The following NHS variants were observed in gnomAD, a reference collection of about 807,000 sequenced individuals.
NHS encodes the protein NHS actin remodeling regulator.
NHS carries 5 observed loss-of-function variants against 72.5 expected under a neutral mutation model. The ratio of observed to expected loss-of-function variants is 0.07; its 90% CI spans 0.04 to 0.14. The LOEUF (loss-of-function observed/expected upper bound fraction) is 0.14, where lower values mean the gene tolerates loss of function less well. Ranked by LOEUF, NHS falls within the 10% of genes least tolerant of loss-of-function variation. The pLI is 1.00. For missense variants in NHS, 1,072 were observed against 1,355.7 expected (o/e 0.79, Z 3.29); for synonymous variants, 464 against 547.7 (o/e 0.85, Z 2.13).
At chrX:17,712,152 T>C (rs184555974) in intron 3 of NHS, among the ~76,000 whole-genome samples, 123 of 102,311 alleles carry the variant, frequency 1.2e-3, no homozygotes, top group African/African-American at 4.1e-3. Flanking sequence ...ATCTTTTTCA[T>C]CTTAGCCCCT....
intron 1 of NHS, among the ~76,000 whole-genome samples, chrX:17,584,291 G>C (rs1156809867): frequency 1.8e-5 from 2 of 111,488 alleles, no homozygotes; most frequent in Non-Finnish European, 3.8e-5. Context: ...ACAAAGGAGA[G>C]GCCACCCCTT....
chrX:17,479,613 T>C (rs1241394419), intron 1 of NHS, among the ~76,000 whole-genome samples: 1 of 112,450 alleles, frequency 8.9e-6, no homozygotes, highest in African/African-American at 3.2e-5. Flanking sequence ...TGGTATCTCA[T>C]TGTGGTTTTG....
chrX:17,396,730 T>C (rs772479831), intron 1 of NHS, among the ~76,000 whole-genome samples: 1 of 111,998 alleles, frequency 8.9e-6, no homozygotes, highest in Non-Finnish European at 1.9e-5. Context: ...CTCAGAATGT[T>C]CTGGGAACTT....
intron 1 of NHS, among the ~76,000 whole-genome samples, chrX:17,483,122 T>A (rs1433700549): frequency 8.9e-6 from 1 of 112,341 alleles, no homozygotes; most frequent in Non-Finnish European, 1.9e-5. Flanking sequence ...ATTCTTGTTG[T>A]TTGTTTGAAA....
intron 1 of NHS, among the ~76,000 whole-genome samples, chrX:17,526,363 C>G (rs2065173310): frequency 1.8e-5 from 2 of 112,320 alleles, no homozygotes; most frequent in African/African-American, 6.5e-5. Flanking sequence ...GGATGTTCCC[C>G]CTGGCAGTGT....
At chrX:17,699,871 GA>G (rs1213905455) in intron 3 of NHS, among the ~76,000 whole-genome samples, 1 of 111,307 alleles carries the variant, frequency 9.0e-6, no homozygotes, top group Non-Finnish European at 1.9e-5. Flanking sequence ...ACAGAGGAAA[GA>G]AAAGAAAAAA....
Position 17,727,585 on chromosome X carries a change from C to T in NHS, c.3479C>T (p.Thr1160Ile), listed in dbSNP as rs752248694. The T allele has an allele frequency of 9.1e-6, 11 of 1,209,693 alleles. No individual in the cohort carries two copies. In the African/African-American group the frequency reaches 1.2e-4, roughly 13 times the overall value. The change falls in exon 7 of 9, where the codon ACA (threonine) becomes ATA (isoleucine). Residue 1160 changes from threonine to isoleucine, a missense_variant. Transcript: ENST00000676302. ...EEVKQKEENN[T>I]DLPYLEESTL... is the part of the protein sequence containing the mutation. ...GTTAAGCAAAAAGAAGAAAACAATA[C>T]AGATCTCCCTTATTTAGAGGAAAGC...
At chrX:17,693,836 T>C (rs1337878790) in intron 3 of NHS, among the ~76,000 whole-genome samples, 1 of 112,516 alleles carries the variant, frequency 8.9e-6, no homozygotes, top group South Asian at 3.7e-4. Flanking sequence ...CAGTTTCACA[T>C]GCTAGTGATT....
chrX:17,677,804 T>C (rs1275022985), intron 1 of NHS, among the ~76,000 whole-genome samples: 1 of 111,308 alleles, frequency 9.0e-6, no homozygotes, highest in Non-Finnish European at 1.9e-5. Context: ...AAAGGAAAAT[T>C]CTTTCATTTC....
Position 17,375,791 on chromosome X carries a change from T to C in NHS, c.34T>C (p.Trp12Arg). 8.7e-7 allele frequency: 1 copy of C among 1,152,807 alleles called. No individual in the cohort carries two copies. Among genetic ancestry groups the C allele is most frequent in the South Asian group, 1.9e-5 (1 of 52,584 alleles). ...CGCCAAGCGGATCGTGGAGCCGCAATGGCTGTGCAGGCAGCGGCGCCCTGC... is the reference window on the plus strand; with the variant it reads ...CGCCAAGCGGATCGTGGAGCCGCAACGGCTGTGCAGGCAGCGGCGCCCTGC... The part of the protein sequence containing the change: ...PFAKRIVEPQ[W>R]LCRQRRPAPG... Residue 12 changes from tryptophan to arginine, a missense_variant, in exon 1 of 9, where the codon TGG (tryptophan) becomes CGG (arginine). Physicochemically the swap from Trp to Arg is moderately radical, Grantham distance 101. Coordinates refer to ENST00000676302, the MANE Select transcript of NHS (RefSeq NM_001291867.2).
chrX:17,721,401 T>C, intron 4 of NHS, 40 bp from the exon 5 acceptor site: 1 of 1,188,107 alleles, frequency 8.4e-7, no homozygotes, highest in Non-Finnish European at 1.1e-6. Flanking sequence ...TGCTTATGTA[T>C]AAACTATGAT....
chrX:17,651,057 A>G (rs574459952), intron 1 of NHS, among the ~76,000 whole-genome samples: 2 of 112,488 alleles, frequency 1.8e-5, no homozygotes, highest in African/African-American at 6.5e-5. Flanking sequence ...TCAGGAATAC[A>G]GCACCAAACC....
In NHS at chrX:17,726,296, T is replaced by G; in HGVS notation, c.2190T>G (p.His730Gln). ...AGTGGAATTACCTACACCACCACCA[T>G]GATGCCTCCTGCCGCCAGGATTTTA... ...DSEWNYLHHHHDASCRQDFSP... is the reference protein window; with the variant it reads ...DSEWNYLHHHQDASCRQDFSP... Residue 730 changes from histidine (H) to glutamine (Q), a missense_variant, in exon 7 of 9, where the codon CAT becomes CAG. His to Gln is a conservative substitution (Grantham distance 24). Coordinates refer to ENST00000676302, the MANE Select transcript of NHS (RefSeq NM_001291867.2). 8.3e-7 allele frequency: 1 copy of G among 1,211,781 alleles called. No homozygotes were observed. The highest frequency in any genetic ancestry group is 1.1e-6 in the Non-Finnish European group (1 of 895,502).
At chrX:17,666,801 G>A (rs764703225) in intron 1 of NHS, among the ~76,000 whole-genome samples, 1 of 112,256 alleles carries the variant, frequency 8.9e-6, no homozygotes, top group African/African-American at 3.2e-5. Context: ...ACAAAGTCTG[G>A]TGTAAGTCAT....
intron 1 of NHS, among the ~76,000 whole-genome samples, chrX:17,560,674 C>T (rs1569281700): frequency 8.9e-6 from 1 of 112,553 alleles, no homozygotes; most frequent in East Asian, 2.8e-4. Flanking sequence ...TTCAAACAGC[C>T]TTTTGCTAGA....
In NHS at chrX:17,416,203, A is replaced by G. The variant is rs765294975; in HGVS notation, c.565+39881A>G. ...CCCTACCCCCCAACGTTTTCATCTT[A>G]AACCAAAAATCAGAGTATGCCATTT... On this transcript the variant is annotated intron_variant, in intron 1 of 8. Coordinates refer to ENST00000676302, the MANE Select transcript of NHS (RefSeq NM_001291867.2). Among the ~76,000 whole-genome samples the G allele has an allele frequency of 5.4e-4, 60 of 111,256 alleles. 1 individual carries two copies. The highest frequency in any genetic ancestry group is 3.6e-4 in the Non-Finnish European group (19 of 53,014).
chrX:17,506,045 G>A (rs747097068), intron 1 of NHS, among the ~76,000 whole-genome samples: 21 of 111,578 alleles, frequency 1.9e-4, no homozygotes, highest in Non-Finnish European at 2.6e-4. Flanking sequence ...TCTGACTCTC[G>A]GCCAAATCCT....
At chrX:17,507,249 C>T (rs1478266814) in intron 1 of NHS, among the ~76,000 whole-genome samples, 1 of 112,182 alleles carries the variant, frequency 8.9e-6, no homozygotes, top group Admixed American at 9.4e-5. Flanking sequence ...ATACTTAGTT[C>T]ATGGATCATT....
At chrX:17,484,365 A>G in intron 1 of NHS, among the ~76,000 whole-genome samples, 1 of 111,572 alleles carries the variant, frequency 9.0e-6, no homozygotes. Context: ...TTTAAAATGT[A>G]GGTTTTATTA....
Sources: gnomAD v4.1 joint callset for allele counts (sites outside exome capture counted in the v4.1 genomes callset) on GRCh38, gnomAD v4.1.1 for gene constraint, MANE v1.5 for transcripts, NCBI Gene and HGNC (gene_info 2026-07-23, HGNC 2026-07-21) for gene names.